HSPA9: variants seen among roughly 807,000 people sequenced by gnomAD.
HSPA9 encodes the protein heat shock protein family A (Hsp70) member 9, also known as stress-70 protein, mitochondrial.
Under a neutral mutation model 81.5 loss-of-function variants are expected in HSPA9, and 28 were observed. That is an observed-to-expected ratio of 0.34 (90% CI 0.25 to 0.47). The LOEUF is 0.47. HSPA9 is among the 20% of genes least tolerant of loss of function. The pLI, the probability that HSPA9 is intolerant of heterozygous loss-of-function variation, is 1.00. For missense variants in HSPA9, 678 were observed against 838.0 expected (o/e 0.81, Z 2.36); for synonymous variants, 293 against 290.4 (o/e 1.01, Z -0.09).
intron 4 of HSPA9, among the ~76,000 whole-genome samples, chr5:138,569,725 T>C (rs1370032576): frequency 6.6e-6 from 1 of 152,078 alleles, no homozygotes; most frequent in Admixed American, 6.5e-5. Context: ...AGTTTATATA[T>C]ATATAGACAG....
In HSPA9 at chr5:138,575,241, G is replaced by A. The variant is rs750445193; in HGVS notation, c.78C>T (p.His26=). The A allele has an allele frequency of 7.5e-6, 12 of 1,600,900 alleles. No individual in the cohort carries two copies. In the Middle Eastern group the frequency reaches 5.1e-4, roughly 68 times the overall value. Residue 26 remains histidine (H), a synonymous_variant, in exon 1 of 17, where the codon CAC becomes CAT. Transcript: ENST00000297185. The part of the protein sequence containing the change: ...AASRGPTAAR[H]QDSWNGLSHE... Reference sequence around the variant, plus strand: ...CGGGAAGGTCCCAGTTCCTCACCTGGTGGCGGGCGGCCGTAGGGCCCCGGG... The same window carrying A: ...CGGGAAGGTCCCAGTTCCTCACCTGATGGCGGGCGGCCGTAGGGCCCCGGG...
intron 3 of HSPA9, among the ~76,000 whole-genome samples, chr5:138,571,960 C>CGTTTTT (rs1750911925): frequency 1.0e-5 from 1 of 100,456 alleles, no homozygotes; most frequent in Non-Finnish European, 1.8e-5. Context: ...CTGCGCCTGG[C>CGTTTTT]TTTTTTTTTT....
intron 9 of HSPA9, among the ~76,000 whole-genome samples, chr5:138,563,472 A>G (rs1244039096): frequency 6.6e-6 from 1 of 151,906 alleles, no homozygotes; most frequent in East Asian, 1.9e-4. Context: ...AAACCCAATC[A>G]CTTGTGTCTT....
chr5:138,571,959 G>GTTTT (rs1561862016), intron 3 of HSPA9, among the ~76,000 whole-genome samples: 1 of 10,636 alleles, frequency 9.4e-5, no homozygotes. Context: ...ACTGCGCCTG[G>GTTTT]CTTTTTTTTT....
rs757871497 is a variant in HSPA9 at position 138,566,763 on chromosome 5, G to T, written c.880-45C>A. ...AACACCAAACACCAGCATTAGTGAG[G>T]TGATAAATAAACTGCAGTAATAAGG... On this transcript the variant is annotated intron_variant, in intron 8 of 16. Transcript: ENST00000297185. 2.1e-6 allele frequency: 3 copies of T among 1,443,766 alleles called. No individual in the cohort carries two copies. The African/African-American group carries it at 4.2e-5, about 20-fold the overall frequency. 89.4% of individuals were successfully genotyped at this position (1,443,766 alleles called of 1,614,324 possible).
In HSPA9 at chr5:138,559,884, T is replaced by C; in HGVS notation, c.1390A>G (p.Ile464Val). The C allele has an allele frequency of 6.2e-7, 1 of 1,612,660 alleles. No homozygotes were observed. Among genetic ancestry groups the C allele is most frequent in the Non-Finnish European group, 8.5e-7 (1 of 1,178,672 alleles). ...FTKLINRNTT[I>V]PTKKSQVFST... ...CTTACCTGGCTCTTCTTGGTTGGAA[T>C]AGTGGTATTCCTATTAATAAGTTTG... The change falls in exon 11 of 17, where the codon ATT becomes GTT. Residue 464 changes from isoleucine (I) to valine (V), a missense_variant. Transcript: ENST00000297185.
intron 9 of HSPA9, among the ~76,000 whole-genome samples, chr5:138,562,027 C>T (rs2127155719): frequency 6.6e-6 from 1 of 151,772 alleles, no homozygotes; most frequent in South Asian, 2.1e-4. Flanking sequence ...CAACCTCCGC[C>T]TCCCAGGTTC....
rs76874909 is a variant in HSPA9, at chr5:138,553,832, C to G, written c.*2205G>C. Among the ~76,000 whole-genome samples the G allele has an allele frequency of 1.6e-4, 24 of 152,312 alleles. No individual in the cohort carries two copies. In the East Asian group the frequency reaches 4.6e-3, roughly 29 times the overall value. Reference sequence around the variant, plus strand: ...CATTTAACGGGTTAAACATTTGTCTCTCTCCAGAAGAGATTAGTATTGAAT... The same window carrying G: ...CATTTAACGGGTTAAACATTTGTCTGTCTCCAGAAGAGATTAGTATTGAAT... On this transcript the variant is annotated 3_prime_UTR_variant, in exon 17 of 17. Transcript: ENST00000297185.
intron 15 of HSPA9, 37 bp from the exon 16 acceptor site, chr5:138,556,629 G>A (rs762283564): frequency 8.6e-5 from 138 of 1,610,476 alleles, no homozygotes; most frequent in Non-Finnish European, 1.1e-4. Flanking sequence ...ACTTTTCCAG[G>A]TCTCCTGTAC....
rs1485493965 is a variant in HSPA9 at position 138,566,727 on chromosome 5, T to C, written c.880-9A>G. Reference sequence around the variant, plus strand: ...GTCAAATCAACCCCTGTCTATAAAGTGAAGACATTGAACACCAAACACCAG... The same window carrying C: ...GTCAAATCAACCCCTGTCTATAAAGCGAAGACATTGAACACCAAACACCAG... On this transcript the variant is annotated splice_polypyrimidine_tract_variant and intron_variant, in intron 8 of 16. Coordinates refer to ENST00000297185, the MANE Select transcript of HSPA9 (RefSeq NM_004134.7). The C allele has an allele frequency of 6.3e-7, 1 of 1,598,458 alleles. No individual in the cohort carries two copies. Among genetic ancestry groups the C allele is most frequent in the Admixed American group, 1.7e-5 (1 of 59,992 alleles).
chr5:138,561,752 G>C lies in HSPA9; in HGVS notation c.1010C>G (p.Ser337Cys). The C allele has an allele frequency of 6.2e-7, 1 of 1,614,138 alleles. No homozygotes were observed. Among genetic ancestry groups the C allele is most frequent in the Non-Finnish European group, 8.5e-7 (1 of 1,180,000 alleles). ...CTTCATATTCAAATGCTTGGGTCCA[G>C]AAGAATCCATTGTAAGATAGGGCAA... ...INLPYLTMDS[S>C]GPKHLNMKLT... Residue 337 changes from serine (S) to cysteine (C), a missense_variant, in exon 10 of 17, where the codon TCT becomes TGT. Physicochemically the swap from Ser to Cys is moderately radical, Grantham distance 112. This residue lies in a region of HSPA9 where 484 missense variants were observed against 647.5 expected (regional missense o/e 0.75). Coordinates refer to ENST00000297185, the MANE Select transcript of HSPA9 (RefSeq NM_004134.7).
chr5:138,562,360 T>C (rs142089925), intron 9 of HSPA9, among the ~76,000 whole-genome samples: 13 of 148,156 alleles, frequency 8.8e-5, no homozygotes, highest in Non-Finnish European at 1.9e-4. Context: ...CCATCCTGGC[T>C]AACATGGTGA....
chr5:138,557,031 G>T, intron 14 of HSPA9, 165 bp from the exon 15 acceptor site: 1 of 669,460 alleles, frequency 1.5e-6, no homozygotes, highest in East Asian at 2.7e-5. Context: ...CTTTGAGAGA[G>T]ATTTGGGCTA....
Position 138,570,922 on chromosome 5 carries a change from A to G in HSPA9, c.410+38T>C, listed in dbSNP as rs757014366. The G allele has an allele frequency of 1.5e-5, 24 of 1,597,098 alleles. No homozygotes were observed. The Admixed American group carries it at 2.3e-4, about 16-fold the overall frequency. On this transcript the variant is annotated intron_variant, in intron 4 of 16. Transcript: ENST00000297185. ...AGGCTCTTCTGTGTGGCCCTTGCAA[A>G]TAACTGCTTTTTGCAAAAAACTTTT... is the stretch of plus-strand genomic sequence containing the variant.
rs751459982 is a variant in HSPA9 at position 138,571,161 on chromosome 5, TAG to T, written c.229-22_229-21del. 4.3e-6 allele frequency: 7 copies of T among 1,611,988 alleles called. No individual in the cohort carries two copies. The highest frequency in any genetic ancestry group is 1.3e-5 in the African/African-American group (1 of 74,854). On this transcript the variant is annotated intron_variant, in intron 3 of 16. Coordinates refer to ENST00000297185, the MANE Select transcript of HSPA9 (RefSeq NM_004134.7). Reference sequence around the variant, plus strand: ...CAGCACCTAAACTCCCAAAATGTGATAGAGAGTAAGTTTGTAGTTATCACTGG... The same window carrying T: ...CAGCACCTAAACTCCCAAAATGTGATAGAGTAAGTTTGTAGTTATCACTGG...
In HSPA9 at chr5:138,575,389, C is replaced by A; in HGVS notation, c.-71G>T. ...GGCAAAGAGCTGCGCGATGCGGTGG[C>A]GGCAGCGCTTCTGGAAACCTCCAAC... On this transcript the variant is annotated 5_prime_UTR_variant, in exon 1 of 17. Coordinates refer to ENST00000297185, the MANE Select transcript of HSPA9 (RefSeq NM_004134.7). 2 of 1,345,416 alleles carry A rather than the reference C, an allele frequency of 1.5e-6. No homozygotes were observed. The highest frequency in any genetic ancestry group is 2.1e-6 in the Non-Finnish European group (2 of 946,522). 83.3% of individuals were successfully genotyped at this position (1,345,416 alleles called of 1,614,324 possible).
At chr5:138,574,861 C>G (rs1053292404) in intron 1 of HSPA9, 2 of 264,182 alleles carry the variant, frequency 7.6e-6, no homozygotes, top group African/African-American at 2.3e-5. Context: ...CAACGGGATC[C>G]TTACACACTC....
At position 138,570,407 on chromosome 5, in the gene HSPA9, T is replaced by G. The variant is rs186508000; in HGVS notation, c.410+553A>C. ...CATTTCTGCCTTATGTATTCAACAC[T>G]GAACTATGTGGTTTAGGAATGCTTT... On this transcript the variant is annotated intron_variant, in intron 4 of 16. Coordinates refer to ENST00000297185, the MANE Select transcript of HSPA9 (RefSeq NM_004134.7). Among the ~76,000 whole-genome samples, 37 of 152,292 alleles carry G rather than the reference T, an allele frequency of 2.4e-4. No individual in the cohort carries two copies. In the East Asian group the frequency reaches 6.6e-3, roughly 27 times the overall value.
At position 138,556,789 on chromosome 5, in the gene HSPA9, T is replaced by C. The variant is rs770735573; in HGVS notation, c.1806A>G (p.Gln602=). The C allele has an allele frequency of 6.8e-6, 11 of 1,613,258 alleles. No individual in the cohort carries two copies. In the East Asian group the frequency reaches 2.2e-4, roughly 33 times the overall value. ...TETKMEEFKD[Q]LPADECNKLK... The stretch of plus-strand genomic sequence containing the variant: ...TAGAACTCACCTCATCAGCAGGTAA[T>C]TGGTCCTTGAATTCTTCCATCTTGG... The change falls in exon 15 of 17, where the codon CAA becomes CAG. Residue 602 remains glutamine (Q), a synonymous_variant. Coordinates refer to ENST00000297185, the MANE Select transcript of HSPA9 (RefSeq NM_004134.7).
Sources: gnomAD v4.1 joint callset for allele counts (sites outside exome capture counted in the v4.1 genomes callset) on GRCh38, gnomAD v4.1.1 for gene constraint, gnomAD v4.1.1 regional missense constraint, MANE v1.5 for transcripts, NCBI Gene and HGNC (gene_info 2026-07-23, HGNC 2026-07-21) for gene names.